The following SETD2 variants were observed in gnomAD, a reference collection of about 807,000 sequenced individuals.
SETD2 encodes SET domain containing 2, histone lysine methyltransferase, also known as histone-lysine N-methyltransferase SETD2.
A neutral mutation model predicts 242.1 loss-of-function variants in SETD2; 31 were observed. That is an observed-to-expected ratio of 0.13 (90% CI 0.10 to 0.17). SETD2 has a LOEUF of 0.17. Ranked by LOEUF, SETD2 falls within the 10% of genes least tolerant of loss-of-function variation. The pLI is 1.00. For missense variants in SETD2, 2,481 were observed against 3,046.3 expected (o/e 0.81, Z 4.37); for synonymous variants, 1,006 against 1,066.5 (o/e 0.94, Z 1.11).
intron 18 of SETD2, among the ~76,000 whole-genome samples, chr3:47,028,677 C>A (rs1208914900): frequency 1.6e-4 from 25 of 152,156 alleles, no homozygotes; most frequent in Non-Finnish European, 5.9e-5. Flanking sequence ...AAATAGCAGG[C>A]AACTATTAAA....
intron 1 of SETD2, among the ~76,000 whole-genome samples, chr3:47,143,691 T>C (rs372992242): frequency 5.3e-4 from 81 of 152,312 alleles, no homozygotes; most frequent in African/African-American, 1.8e-3. Context: ...ATATCTCAAA[T>C]GTCAAGTTAC....
chr3:47,094,887 C>T (rs569456850), intron 9 of SETD2, among the ~76,000 whole-genome samples: 1 of 152,264 alleles, frequency 6.6e-6, no homozygotes, highest in South Asian at 2.1e-4. Flanking sequence ...GCACTAAGAC[C>T]TATCCTGAAA....
intron 1 of SETD2, among the ~76,000 whole-genome samples, chr3:47,140,097 T>TA (rs966559947): frequency 5.3e-5 from 8 of 152,198 alleles, no homozygotes; most frequent in Non-Finnish European, 1.0e-4. Flanking sequence ...TTATTTTCTT[T>TA]AAAAAAGTCA....
chr3:47,095,260 G>A (rs949820394), intron 9 of SETD2, among the ~76,000 whole-genome samples: 8 of 151,776 alleles, frequency 5.3e-5, no homozygotes, highest in Admixed American at 2.0e-4. Context: ...CTCAGCCTCC[G>A]GAGTAGCTGA....
At chr3:47,092,117 A>G (rs1240916622) in intron 9 of SETD2, among the ~76,000 whole-genome samples, 1 of 152,210 alleles carries the variant, frequency 6.6e-6, no homozygotes, top group Non-Finnish European at 1.5e-5. Context: ...AGAAAAATAA[A>G]CCGTAAAAAT....
chr3:47,048,704 C>G (rs970690392), intron 15 of SETD2, among the ~76,000 whole-genome samples: 7 of 152,110 alleles, frequency 4.6e-5, no homozygotes, highest in Non-Finnish European at 1.0e-4. Flanking sequence ...CCTCCCTCCT[C>G]CTCGCCAGGG....
At chr3:47,114,029 T>A (rs1191320135) in intron 4 of SETD2, 25 bp from the exon 5 acceptor site, 2 of 1,595,174 alleles carry the variant, frequency 1.3e-6, no homozygotes, top group Non-Finnish European at 1.7e-6. Flanking sequence ...GGAGGAAATT[T>A]AATTCTTTAA....
chr3:47,138,319 G>C, intron 1 of SETD2: 1 of 274,008 alleles, frequency 3.6e-6, no homozygotes, highest in Non-Finnish European at 7.6e-6. Flanking sequence ...GCCCAGGCTG[G>C]AGTACAGTGG....
chr3:47,130,279 G>C (rs1208781211), intron 1 of SETD2, among the ~76,000 whole-genome samples: 1 of 152,146 alleles, frequency 6.6e-6, no homozygotes, highest in Non-Finnish European at 1.5e-5. Context: ...AACTCAATAG[G>C]GTAGGGACAA....
chr3:47,130,343 A>T (rs2043448604), intron 1 of SETD2, among the ~76,000 whole-genome samples: 1 of 152,188 alleles, frequency 6.6e-6, no homozygotes, highest in Non-Finnish European at 1.5e-5. Flanking sequence ...GAGAGGTAGA[A>T]GGGTCAATAA....
chr3:47,025,025 T>C (rs886452849), intron 18 of SETD2, among the ~76,000 whole-genome samples: 2 of 152,224 alleles, frequency 1.3e-5, no homozygotes, highest in African/African-American at 4.8e-5. Context: ...CAAAGAATTA[T>C]CTGACCATTA....
At chr3:47,142,402 A>G (rs1315295034) in intron 1 of SETD2, among the ~76,000 whole-genome samples, 1 of 152,042 alleles carries the variant, frequency 6.6e-6, no homozygotes, top group Non-Finnish European at 1.5e-5. Flanking sequence ...CCAGCTACTC[A>G]GGAGGCTGAG....
At chr3:47,115,860 G>A (rs193037987) in intron 4 of SETD2, among the ~76,000 whole-genome samples, 11 of 152,236 alleles carry the variant, frequency 7.2e-5, no homozygotes, top group Admixed American at 5.2e-4. Context: ...TGGCCAGGCT[G>A]ATCCTAAACT....
intron 5 of SETD2, among the ~76,000 whole-genome samples, chr3:47,111,125 T>G (rs2042635328): frequency 3.8e-5 from 5 of 130,582 alleles, no homozygotes; most frequent in Admixed American, 8.2e-5. Context: ...CAAGAAGGCC[T>G]GGCTGGCTAG....
In SETD2 at chr3:47,122,954, T is replaced by C. The variant is rs770524703; in HGVS notation, c.1682A>G (p.Lys561Arg). 1 of 1,613,630 alleles carries C rather than the reference T, an allele frequency of 6.2e-7. No homozygotes were observed. The highest frequency in any genetic ancestry group is 8.5e-7 in the Non-Finnish European group (1 of 1,179,762). The part of the protein sequence containing the change: ...SASRYKSTLS[K>R]PIPKSDKFKN... ...AAATTTATCAGACTTGGGTATAGGT[T>C]TTGAAAGGGTAGATTTATAACGGGA... is the stretch of plus-strand genomic sequence containing the variant. Residue 561 changes from lysine to arginine, a missense_variant, in exon 3 of 21, where the codon AAA (lysine) becomes AGA (arginine). This residue lies in a region of SETD2 where 1,300 missense variants were observed against 1,259.2 expected (regional missense o/e 1.03). Transcript: ENST00000409792.
chr3:47,055,782 G>A (rs1444865097), intron 15 of SETD2, among the ~76,000 whole-genome samples: 3 of 151,956 alleles, frequency 2.0e-5, no homozygotes, highest in Non-Finnish European at 4.4e-5. Context: ...GGAGGCCGAG[G>A]TGGGTGGATC....
chr3:47,084,145 G>A lies in SETD2; in HGVS notation c.5635C>T (p.Arg1879Cys), dbSNP rs1575744958. 6 of 1,614,124 alleles carry A rather than the reference G, an allele frequency of 3.7e-6. No individual in the cohort carries two copies. Among genetic ancestry groups the A allele is most frequent in the Non-Finnish European group, 4.2e-6 (5 of 1,180,024 alleles). The change falls in exon 12 of 21, where the codon CGC (arginine) becomes TGC (cysteine). Residue 1879 changes from arginine (R) to cysteine (C), a missense_variant. Physicochemically the swap from Arg to Cys is radical, Grantham distance 180. Around this residue, in one of 17 missense-constraint regions of SETD2, gnomAD observed 203 missense variants for 222.4 expected, o/e 0.91. Transcript: ENST00000409792. ...TTTTCACTTATAATTTTCAGTCTGC[G>A]AAACATTAGTTTCTTGGGAGTGTCT... ...DTDTPKKLMF[R>C]RLKIISENSM...
At chr3:47,091,471 A>G (rs1466585347) in intron 9 of SETD2, among the ~76,000 whole-genome samples, 1 of 152,104 alleles carries the variant, frequency 6.6e-6, no homozygotes, top group Non-Finnish European at 1.5e-5. Context: ...TACTAAAAAT[A>G]CAAAAATTAG....
intron 18 of SETD2, among the ~76,000 whole-genome samples, chr3:47,034,270 T>C (rs2038904902): frequency 1.3e-5 from 2 of 152,198 alleles, no homozygotes; most frequent in African/African-American, 4.8e-5. Context: ...TACTACTCTA[T>C]AACCCCCCGA....
Sources: gnomAD v4.1 joint callset for allele counts (sites outside exome capture counted in the v4.1 genomes callset) on GRCh38, gnomAD v4.1.1 for gene constraint, gnomAD v4.1.1 regional missense constraint, MANE v1.5 for transcripts, NCBI Gene and HGNC (gene_info 2026-07-23, HGNC 2026-07-21) for gene names.